The following AUTS2 variants were observed in gnomAD, a reference collection of about 807,000 sequenced individuals.
AUTS2 encodes the protein activator of transcription and developmental regulator AUTS2.
AUTS2 carries 17 observed loss-of-function variants against 112.4 expected under a neutral mutation model. The ratio of observed to expected loss-of-function variants is 0.15; its 90% CI spans 0.10 to 0.23. AUTS2 has a LOEUF of 0.23. AUTS2 is among the 10% of genes least tolerant of loss of function. The probability of loss-of-function intolerance (pLI) is 1.00; values close to 1 mark genes in which losing one functional copy is unlikely to be tolerated. For missense variants in AUTS2, 1,510 were observed against 1,701.6 expected (o/e 0.89, Z 1.98); for synonymous variants, 751 against 702.7 (o/e 1.07, Z -1.09).
intron 2 of AUTS2, 95 bp from the exon 3 acceptor site, chr7:70,118,037 C>A: frequency 1.4e-6 from 2 of 1,388,384 alleles, no homozygotes; most frequent in East Asian, 2.8e-5. Flanking sequence ...CGTGAGCCAC[C>A]GTGCCTGGCT....
At chr7:69,910,875 C>A (rs984749977) in intron 2 of AUTS2, among the ~76,000 whole-genome samples, 8 of 152,206 alleles carry the variant, frequency 5.3e-5, no homozygotes, top group Non-Finnish European at 1.0e-4. Context: ...ATCCGCCCGC[C>A]TCGGCCTCTC....
chr7:70,380,967 C>A (rs559610571), intron 4 of AUTS2, among the ~76,000 whole-genome samples: 1 of 152,100 alleles, frequency 6.6e-6, no homozygotes, highest in South Asian at 2.1e-4. Context: ...GCCAGATATC[C>A]ATTAACATAG....
intron 5 of AUTS2, among the ~76,000 whole-genome samples, chr7:70,617,387 G>A (rs1804428463): frequency 6.6e-6 from 1 of 152,190 alleles, no homozygotes; most frequent in African/African-American, 2.4e-5. Flanking sequence ...TTGTGGCCGG[G>A]CTCAGTGGCT....
At chr7:70,003,347 A>C (rs1298085129) in intron 2 of AUTS2, among the ~76,000 whole-genome samples, 2 of 129,420 alleles carry the variant, frequency 1.5e-5, no homozygotes, top group African/African-American at 5.9e-5. Flanking sequence ...ATATGTATGA[A>C]TATGTTATAT....
chr7:70,540,794 G>A (rs1351957724), intron 5 of AUTS2, among the ~76,000 whole-genome samples: 3 of 152,194 alleles, frequency 2.0e-5, no homozygotes, highest in Non-Finnish European at 4.4e-5. Context: ...GTAAAGCACA[G>A]AGGTGGTAGG....
At chr7:69,714,530 A>G (rs1009473675) in intron 1 of AUTS2, among the ~76,000 whole-genome samples, 3 of 152,086 alleles carry the variant, frequency 2.0e-5, no homozygotes, top group Non-Finnish European at 4.4e-5. Flanking sequence ...TGTGTGATCT[A>G]TGTAAAAATT....
chr7:70,671,642 G>A (rs568068058), intron 5 of AUTS2, among the ~76,000 whole-genome samples: 139 of 151,466 alleles, frequency 9.2e-4, no homozygotes, highest in African/African-American at 3.4e-3. Context: ...TATCAGCCTG[G>A]GCATGGCAAG....
At chr7:70,361,141 C>G (rs1792242049) in intron 4 of AUTS2, among the ~76,000 whole-genome samples, 1 of 152,016 alleles carries the variant, frequency 6.6e-6, no homozygotes, top group African/African-American at 2.4e-5. Context: ...GTCAGGAGAT[C>G]AAAACCACAG....
intron 2 of AUTS2, among the ~76,000 whole-genome samples, chr7:70,069,751 G>T (rs1386942467): frequency 2.2e-5 from 3 of 139,136 alleles, no homozygotes; most frequent in Admixed American, 7.2e-5. Flanking sequence ...TTAATGACTT[G>T]ATTTTATCCT....
At chr7:70,263,080 AT>A (rs934475599) in intron 4 of AUTS2, among the ~76,000 whole-genome samples, 132 of 146,520 alleles carry the variant, frequency 9.0e-4, no homozygotes, top group Middle Eastern at 3.5e-3. Flanking sequence ...AAGTAGAAGG[AT>A]TTTTTTTTTT....
At chr7:69,649,999 T>G (rs1244290641) in intron 1 of AUTS2, among the ~76,000 whole-genome samples, 2 of 152,342 alleles carry the variant, frequency 1.3e-5, no homozygotes, top group East Asian at 3.9e-4. Context: ...CAGCACAATT[T>G]TAGCCATCCA....
At chr7:70,149,005 A>G (rs1184259671) in intron 4 of AUTS2, among the ~76,000 whole-genome samples, 2 of 152,054 alleles carry the variant, frequency 1.3e-5, no homozygotes, top group Non-Finnish European at 2.9e-5. Context: ...TTCACTTTCC[A>G]TGTTCTGTTC....
At chr7:70,400,573 G>A (rs550882137) in intron 4 of AUTS2, among the ~76,000 whole-genome samples, 2 of 152,296 alleles carry the variant, frequency 1.3e-5, no homozygotes, top group East Asian at 3.9e-4. Context: ...GCTGAGGTAG[G>A]GGGGCAGACA....
intron 1 of AUTS2, among the ~76,000 whole-genome samples, chr7:69,658,491 T>A (rs1484931100): frequency 6.6e-6 from 1 of 152,204 alleles, no homozygotes; most frequent in East Asian, 1.9e-4. Flanking sequence ...ATATACTATT[T>A]CTCTTCTGAG....
chr7:70,392,163 C>T (rs1793893764), intron 4 of AUTS2, among the ~76,000 whole-genome samples: 1 of 152,130 alleles, frequency 6.6e-6, no homozygotes, highest in African/African-American at 2.4e-5. Flanking sequence ...ATGACTGTTC[C>T]TCGCCCTAGA....
intron 5 of AUTS2, among the ~76,000 whole-genome samples, chr7:70,681,022 T>C (rs1808178855): frequency 6.6e-6 from 1 of 152,214 alleles, no homozygotes; most frequent in South Asian, 2.1e-4. Flanking sequence ...TGAAAAGTTG[T>C]ACATTAGCAG....
At chr7:70,352,071 A>T (rs1219472204) in intron 4 of AUTS2, among the ~76,000 whole-genome samples, 20 of 152,210 alleles carry the variant, frequency 1.3e-4, no homozygotes, top group Non-Finnish European at 2.9e-4. Context: ...AGCACTTTAC[A>T]AATATTTAAT....
intron 1 of AUTS2, among the ~76,000 whole-genome samples, chr7:69,708,420 G>A (rs1798162411): frequency 6.6e-6 from 1 of 152,136 alleles, no homozygotes; most frequent in Non-Finnish European, 1.5e-5. Flanking sequence ...GACATGGGAG[G>A]GTATTAGCAA....
chr7:70,532,532 C>A (rs1800140762), intron 5 of AUTS2, among the ~76,000 whole-genome samples: 1 of 152,036 alleles, frequency 6.6e-6, no homozygotes, highest in African/African-American at 2.4e-5. Flanking sequence ...GGGTATCAGA[C>A]ACCAAGAAAG....
Sources: gnomAD v4.1 joint callset for allele counts (sites outside exome capture counted in the v4.1 genomes callset) on GRCh38, gnomAD v4.1.1 for gene constraint, MANE v1.5 for transcripts, NCBI Gene and HGNC (gene_info 2026-07-23, HGNC 2026-07-21) for gene names.